NDUFAF6: variants seen among roughly 807,000 people sequenced by gnomAD.
NDUFAF6 encodes NADH dehydrogenase (ubiquinone) complex I, assembly factor 6.
Under a neutral mutation model 40.8 loss-of-function variants are expected in NDUFAF6, and 45 were observed. The observed-to-expected ratio is 1.10, with a 90% CI of 0.87 to 1.42. The LOEUF (loss-of-function observed/expected upper bound fraction) is 1.42. NDUFAF6 is among the 40% of genes most tolerant of loss of function. The pLI, the probability that NDUFAF6 is intolerant of heterozygous loss-of-function variation, is 0.00. For missense variants in NDUFAF6, 435 were observed against 418.5 expected (o/e 1.04, Z -0.34); for synonymous variants, 185 against 155.9 (o/e 1.19, Z -1.39).
chr8:95,097,051 C>T (rs1218970016), upstream of NDUFAF6, among the ~76,000 whole-genome samples: 1 of 152,216 alleles, frequency 6.6e-6, no homozygotes. Context: ...TAAGGAGAGA[C>T]GCACACTCTC....
intron 1 of NDUFAF6, among the ~76,000 whole-genome samples, chr8:94,979,734 A>G (rs958833624): frequency 1.7e-4 from 26 of 152,244 alleles, no homozygotes; most frequent in Non-Finnish European, 4.4e-5. Flanking sequence ...AGGCAGACAT[A>G]TGTGCAGGAG....
At chr8:95,001,840 G>C (rs550932558) in intron 2 of NDUFAF6, among the ~76,000 whole-genome samples, 18 of 152,348 alleles carry the variant, frequency 1.2e-4, no homozygotes, top group Admixed American at 7.2e-4. Context: ...GCAGATTGCA[G>C]ATTTCTGTGT....
chr8:95,041,583 A>C lies in NDUFAF6; in HGVS notation c.434A>C (p.His145Pro). 1 of 1,611,032 alleles carries C rather than the reference A, an allele frequency of 6.2e-7. No homozygotes were observed. Among genetic ancestry groups the C allele is most frequent in the Non-Finnish European group, 8.5e-7 (1 of 1,177,342 alleles). ...AIELWKAVKR[H>P]NLTKRWLMKI... ...TTTGTTTTTTAGGCTGTTAAAAGAC[A>C]TAATCTGACTAAAAGATGGCTTATG... is the stretch of plus-strand genomic sequence containing the variant. The change falls in exon 4 of 9, where the codon CAT becomes CCT. Residue 145 changes from histidine to proline, a missense_variant. By Grantham distance (77) the His-to-Pro change is moderately conservative. Coordinates refer to ENST00000396124, the MANE Select transcript of NDUFAF6 (RefSeq NM_152416.4).
At chr8:95,074,907 A>C (rs181558551) in intron 9 of NDUFAF6, among the ~76,000 whole-genome samples, 2 of 152,256 alleles carry the variant, frequency 1.3e-5, no homozygotes, top group East Asian at 3.9e-4. Context: ...GCAAACTCCA[A>C]ATTCCTTCTT....
intron 2 of NDUFAF6, among the ~76,000 whole-genome samples, chr8:95,000,550 A>T (rs1386820385): frequency 6.6e-6 from 1 of 152,170 alleles, no homozygotes; most frequent in African/African-American, 2.4e-5. Flanking sequence ...TAAGATATGC[A>T]AAAATGCATA....
chr8:95,052,112 T>C, intron 7 of NDUFAF6, 62 bp from the exon 8 acceptor site: 1 of 1,512,544 alleles, frequency 6.6e-7, no homozygotes, highest in Non-Finnish European at 9.2e-7. Flanking sequence ...TGGTGTTGCT[T>C]TCAGAGGGAG....
downstream of NDUFAF6, among the ~76,000 whole-genome samples, chr8:95,080,520 T>TAGTGATTTTTG (rs1808804518): frequency 6.8e-6 from 1 of 146,650 alleles, no homozygotes. Context: ...AGTGTATTTT[T>TAGTGATTTTTG]GTAGTGTATT....
chr8:95,058,333 G>A lies in NDUFAF6; in HGVS notation c.*396G>A. 7.9e-7 allele frequency: 1 copy of A among 1,257,998 alleles called. No homozygotes were observed. Among genetic ancestry groups the A allele is most frequent in the East Asian group, 3.0e-5 (1 of 32,822 alleles). The allele number at this position is 1,257,998 out of a possible 1,614,324, so 77.9% of individuals were successfully genotyped here. On this transcript the variant is annotated 3_prime_UTR_variant, in exon 9 of 9. Coordinates refer to ENST00000396124, the MANE Select transcript of NDUFAF6 (RefSeq NM_152416.4). Reference sequence around the variant, plus strand: ...GTTATCATAGGGGCTTACATGCTGAGCAGCTATAACCTAGGTGTTCAGAAC... The same window carrying A: ...GTTATCATAGGGGCTTACATGCTGAACAGCTATAACCTAGGTGTTCAGAAC...
At chr8:95,012,643 A>AAAATAAATAAAT (rs61552543) in intron 2 of NDUFAF6, among the ~76,000 whole-genome samples, 3,413 of 147,372 alleles carry the variant, frequency 0.023, 51 homozygotes, top group East Asian at 0.066. Flanking sequence ...CTCTGTCTCT[A>AAAATAAATAAAT]AAATAAATAA....
chr8:95,026,528 A>G (rs1024396397), intron 1 of NDUFAF6, among the ~76,000 whole-genome samples: 1 of 152,236 alleles, frequency 6.6e-6, no homozygotes, highest in Non-Finnish European at 1.5e-5. Context: ...ACAAGATAGC[A>G]GTAATGGAAA....
At chr8:94,953,840 A>T (rs142992611), upstream of NDUFAF6, among the ~76,000 whole-genome samples, 77 of 152,122 alleles carry the variant, frequency 5.1e-4, no homozygotes, top group Middle Eastern at 3.4e-3. Flanking sequence ...TGAATGAACT[A>T]CCTTAAATAT....
At chr8:95,050,091 C>G (rs950554049) in intron 7 of NDUFAF6, among the ~76,000 whole-genome samples, 1 of 152,116 alleles carries the variant, frequency 6.6e-6, no homozygotes, top group Non-Finnish European at 1.5e-5. Flanking sequence ...GACTAACTAG[C>G]AGAGTTTTGG....
intron 1 of NDUFAF6, among the ~76,000 whole-genome samples, chr8:94,970,733 T>C (rs1563758155): frequency 6.6e-6 from 1 of 152,174 alleles, no homozygotes; most frequent in Admixed American, 6.5e-5. Context: ...CACAGGAAAA[T>C]GTCTATATCA....
At chr8:95,090,584 C>T (rs1380009682) in intron 2 of NDUFAF6, among the ~76,000 whole-genome samples, 2 of 152,162 alleles carry the variant, frequency 1.3e-5, no homozygotes, top group Admixed American at 1.3e-4. Flanking sequence ...CTGTCTTCTC[C>T]CCGCCGTTTC....
At chr8:94,942,911 A>G (rs1293023576) in intron 1 of NDUFAF6, among the ~76,000 whole-genome samples, 1 of 152,230 alleles carries the variant, frequency 6.6e-6, no homozygotes, top group Non-Finnish European at 1.5e-5. Context: ...CAGGTCCTGC[A>G]GGGCCTTGTA....
At chr8:95,033,678 G>A (rs1270744161) in intron 2 of NDUFAF6, among the ~76,000 whole-genome samples, 2 of 152,208 alleles carry the variant, frequency 1.3e-5, no homozygotes, top group Non-Finnish European at 2.9e-5. Context: ...GGATGGTTAG[G>A]AGAAACCTCA....
intron 3 of NDUFAF6, chr8:95,036,412 G>C: frequency 1.2e-5 from 15 of 1,289,444 alleles, no homozygotes; most frequent in Non-Finnish European, 1.5e-5. Flanking sequence ...CTGGGCCCCA[G>C]ATTGACTTCA....
chr8:95,065,881 A>G (rs1345437771), intron 9 of NDUFAF6, among the ~76,000 whole-genome samples: 1 of 125,372 alleles, frequency 8.0e-6, no homozygotes, highest in African/African-American at 3.0e-5. Flanking sequence ...TTATCCTTTG[A>G]TTTAGTTCTT....
chr8:94,901,418 G>A (rs1420486753), intron 1 of NDUFAF6, among the ~76,000 whole-genome samples: 1 of 151,902 alleles, frequency 6.6e-6, no homozygotes, highest in Non-Finnish European at 1.5e-5. Context: ...CAGGATATAC[G>A]CTGAAAGTAG....
Sources: allele counts gnomAD v4.1 joint callset (sites outside exome capture counted in the v4.1 genomes callset), GRCh38; gene constraint gnomAD v4.1.1; transcripts MANE v1.5; gene names NCBI Gene and HGNC (gene_info 2026-07-23, HGNC 2026-07-21).